The following ZNF423 variants were observed in gnomAD, a reference collection of about 807,000 sequenced individuals.
The protein encoded by ZNF423 is zinc finger protein 423, also known as Ebf-associated zinc finger protein.
ZNF423 carries 12 observed loss-of-function variants against 95.8 expected under a neutral mutation model. The ratio of observed to expected loss-of-function variants is 0.13; its 90% CI spans 0.08 to 0.20. The LOEUF (loss-of-function observed/expected upper bound fraction) is 0.20, where lower values mean the gene tolerates loss of function less well. ZNF423 is among the 10% of genes least tolerant of loss of function. The probability of loss-of-function intolerance (pLI) is 1.00; values close to 1 mark genes in which losing one functional copy is unlikely to be tolerated. For missense variants in ZNF423, 1,316 were observed against 1,737.1 expected, an observed-to-expected ratio of 0.76 and a Z score of 4.31; for synonymous variants, 749 against 711.9, an observed-to-expected ratio of 1.05 and a Z score of -0.83.
In ZNF423 at chr16:49,766,438, G is replaced by A. The variant is rs577922879; in HGVS notation, c.100+23049C>T. Reference sequence around the variant, plus strand: ...CAGGCAAGAAAACGCAGGTGCTTCCGTCAGCTAGAGGGAGACCTGATGCCA... The same window carrying A: ...CAGGCAAGAAAACGCAGGTGCTTCCATCAGCTAGAGGGAGACCTGATGCCA... On this transcript the variant is annotated intron_variant, in intron 2 of 7. Coordinates refer to ENST00000563137, the MANE Select transcript of ZNF423 (RefSeq NM_001379286.1). 2.1e-4 allele frequency among the ~76,000 whole-genome samples: 32 copies of A among 152,296 alleles called. 1 individual carries two copies. In the South Asian group the frequency reaches 5.8e-3, roughly 28 times the overall value.
At chr16:49,686,397 C>A (rs1392892467) in intron 3 of ZNF423, among the ~76,000 whole-genome samples, 5 of 152,160 alleles carry the variant, frequency 3.3e-5, no homozygotes, top group African/African-American at 4.8e-5. Flanking sequence ...GGGACCACAC[C>A]GTCATGAATA....
intron 2 of ZNF423, among the ~76,000 whole-genome samples, chr16:49,770,949 C>T (rs1022489279): frequency 6.6e-6 from 1 of 152,172 alleles, no homozygotes; most frequent in Non-Finnish European, 1.5e-5. Flanking sequence ...TTCCCTCCCT[C>T]GCACCAGAGC....
chr16:49,645,659 C>T (rs1354352718), intron 3 of ZNF423, among the ~76,000 whole-genome samples: 1 of 152,192 alleles, frequency 6.6e-6, no homozygotes, highest in Non-Finnish European at 1.5e-5. Context: ...CTGACAGATA[C>T]CGTATGATAT....
chr16:49,545,845 T>G (rs752384271), intron 5 of ZNF423, among the ~76,000 whole-genome samples: 4 of 152,176 alleles, frequency 2.6e-5, no homozygotes, highest in Non-Finnish European at 5.9e-5. Flanking sequence ...GCTAAACACT[T>G]TACATCTGGG....
chr16:49,607,206 C>T (rs893305386), intron 5 of ZNF423, among the ~76,000 whole-genome samples: 6 of 151,376 alleles, frequency 4.0e-5, no homozygotes, highest in African/African-American at 1.5e-4. Flanking sequence ...TTCATGAAAA[C>T]CCCACTCAGG....
chr16:49,791,217 G>A (rs976322874), intron 1 of ZNF423, among the ~76,000 whole-genome samples: 4 of 152,216 alleles, frequency 2.6e-5, no homozygotes, highest in African/African-American at 9.6e-5. Flanking sequence ...GATAATTTGA[G>A]CTGGGACCCA....
At chr16:49,526,175 G>A (rs1438595070) in intron 5 of ZNF423, among the ~76,000 whole-genome samples, 1 of 152,170 alleles carries the variant, frequency 6.6e-6, no homozygotes, top group Non-Finnish European at 1.5e-5. Flanking sequence ...AGGCCACAGG[G>A]ATGCACAAGA....
intron 5 of ZNF423, among the ~76,000 whole-genome samples, chr16:49,576,901 C>A (rs974558344): frequency 3.1e-4 from 47 of 152,174 alleles, no homozygotes; most frequent in African/African-American, 1.1e-3. Flanking sequence ...TAGTTTAATA[C>A]TATTCAATGA....
intron 4 of ZNF423, among the ~76,000 whole-genome samples, chr16:49,633,327 A>C (rs1444322457): frequency 1.3e-5 from 2 of 152,230 alleles, no homozygotes; most frequent in Admixed American, 1.3e-4. Context: ...CTTGGCACTT[A>C]ATTTACACAT....
At chr16:49,780,191 C>T (rs1316471935) in intron 2 of ZNF423, among the ~76,000 whole-genome samples, 1 of 152,226 alleles carries the variant, frequency 6.6e-6, no homozygotes, top group Non-Finnish European at 1.5e-5. Context: ...CCAGAGCACA[C>T]ATGTGTACAT....
At chr16:49,502,340 G>C (rs948460650) in intron 7 of ZNF423, among the ~76,000 whole-genome samples, 1 of 152,198 alleles carries the variant, frequency 6.6e-6, no homozygotes, top group African/African-American at 2.4e-5. Flanking sequence ...TGTTAAGACA[G>C]AACCATCCAT....
intron 2 of ZNF423, among the ~76,000 whole-genome samples, chr16:49,742,051 C>T (rs1454740289): frequency 6.6e-6 from 1 of 152,236 alleles, no homozygotes; most frequent in Non-Finnish European, 1.5e-5. Flanking sequence ...TTACTGAGCA[C>T]CTACTATGTG....
intron 3 of ZNF423, among the ~76,000 whole-genome samples, chr16:49,646,854 GA>G (rs1973193710): frequency 6.6e-6 from 1 of 152,196 alleles, no homozygotes; most frequent in African/African-American, 2.4e-5. Context: ...TCACAGGCGT[GA>G]GCCACCACGC....
chr16:49,757,049 T>C (rs1349589286), intron 2 of ZNF423, among the ~76,000 whole-genome samples: 1 of 152,226 alleles, frequency 6.6e-6, no homozygotes, highest in South Asian at 2.1e-4. Context: ...CCTGTGCAAG[T>C]GTTTTTGTTT....
chr16:49,634,145 A>T (rs1972599935), intron 4 of ZNF423, among the ~76,000 whole-genome samples: 1 of 149,472 alleles, frequency 6.7e-6, no homozygotes, highest in South Asian at 2.1e-4. Flanking sequence ...TGACCTCGTC[A>T]TCCACCTGCC....
At chr16:49,583,125 G>A (rs1970722609) in intron 5 of ZNF423, among the ~76,000 whole-genome samples, 1 of 152,192 alleles carries the variant, frequency 6.6e-6, no homozygotes, top group South Asian at 2.1e-4. Flanking sequence ...GCCACCTATG[G>A]ACCGCAATTT....
chr16:49,573,109 C>T (rs1019265645), intron 5 of ZNF423, among the ~76,000 whole-genome samples: 3 of 151,912 alleles, frequency 2.0e-5, no homozygotes, highest in Non-Finnish European at 4.4e-5. Flanking sequence ...AACATGTGGA[C>T]GATGGATGAT....
At chr16:49,758,170 G>T (rs1038193311) in intron 2 of ZNF423, among the ~76,000 whole-genome samples, 1 of 152,150 alleles carries the variant, frequency 6.6e-6, no homozygotes, top group Non-Finnish European at 1.5e-5. Flanking sequence ...ACAGGGTCTC[G>T]CTCTGTCACC....
chr16:49,593,644 C>A (rs1281018459), intron 5 of ZNF423, among the ~76,000 whole-genome samples: 1 of 152,076 alleles, frequency 6.6e-6, no homozygotes, highest in Non-Finnish European at 1.5e-5. Flanking sequence ...GCCCTCCGTG[C>A]CTTTGTTTCT....
Sources: gnomAD v4.1 joint callset for allele counts (sites outside exome capture counted in the v4.1 genomes callset) on GRCh38, gnomAD v4.1.1 for gene constraint, MANE v1.5 for transcripts, NCBI Gene and HGNC (gene_info 2026-07-23, HGNC 2026-07-21) for gene names.